The following PTPRG variants were observed in gnomAD, a reference collection of about 807,000 sequenced individuals.
PTPRG encodes the protein protein tyrosine phosphatase receptor type G.
In PTPRG, 102 loss-of-function variants were observed where a neutral mutation model predicts 165.3. That is an observed-to-expected ratio of 0.62 (90% CI 0.53 to 0.73). The LOEUF (loss-of-function observed/expected upper bound fraction) is 0.73, where lower values mean the gene tolerates loss of function less well. Ranked by LOEUF, PTPRG falls within the 30% of genes least tolerant of loss-of-function variation. The probability of loss-of-function intolerance (pLI) is 0.00; values close to 1 mark genes in which losing one functional copy is unlikely to be tolerated. For synonymous variants in PTPRG, 675 were observed against 669.5 expected, an observed-to-expected ratio of 1.01 and a Z score of -0.13; for missense variants, 1,866 against 1,861.4, an observed-to-expected ratio of 1.00 and a Z score of -0.05.
intron 2 of PTPRG, among the ~76,000 whole-genome samples, chr3:61,752,348 T>A (rs2033465797): frequency 6.6e-6 from 1 of 152,210 alleles, no homozygotes; most frequent in Non-Finnish European, 1.5e-5. Flanking sequence ...TATCTATGGC[T>A]GCTTTTGTGC....
chr3:61,835,366 C>T (rs957008447), intron 2 of PTPRG, among the ~76,000 whole-genome samples: 1 of 152,102 alleles, frequency 6.6e-6, no homozygotes. Context: ...ATTCCTACTC[C>T]CCCCTTCCCC....
intron 2 of PTPRG, among the ~76,000 whole-genome samples, chr3:61,842,603 A>G (rs1344547103): frequency 6.6e-6 from 1 of 152,008 alleles, no homozygotes; most frequent in East Asian, 1.9e-4. Context: ...TTCTACTGCT[A>G]CAACACAACT....
At chr3:62,159,848 G>A (rs1402377579) in intron 7 of PTPRG, among the ~76,000 whole-genome samples, 1 of 152,122 alleles carries the variant, frequency 6.6e-6, no homozygotes, top group African/African-American at 2.4e-5. Context: ...TATTCATGTG[G>A]CCAAACTGGA....
chr3:61,590,781 G>A (rs1700550559), intron 1 of PTPRG, among the ~76,000 whole-genome samples: 1 of 151,938 alleles, frequency 6.6e-6, no homozygotes, highest in African/African-American at 2.4e-5. Flanking sequence ...AATACATTTA[G>A]CATAGTCTTT....
At chr3:62,162,336 A>G (rs773413311) in intron 7 of PTPRG, among the ~76,000 whole-genome samples, 13 of 151,408 alleles carry the variant, frequency 8.6e-5, no homozygotes, top group Non-Finnish European at 1.9e-4. Context: ...CAAATCCCCA[A>G]GCAGGGATAA....
intron 1 of PTPRG, among the ~76,000 whole-genome samples, chr3:61,623,603 G>GAC (rs1701524481): frequency 6.6e-6 from 1 of 152,158 alleles, no homozygotes; most frequent in South Asian, 2.1e-4. Flanking sequence ...CTTTGCAACA[G>GAC]ACTAGAGAAT....
At chr3:62,045,152 G>T (rs1356836437) in intron 4 of PTPRG, among the ~76,000 whole-genome samples, 1 of 152,146 alleles carries the variant, frequency 6.6e-6, no homozygotes, top group Non-Finnish European at 1.5e-5. Flanking sequence ...GATGTCCATT[G>T]TTGCTTTTCA....
chr3:61,830,600 G>T (rs1241785070), intron 2 of PTPRG, among the ~76,000 whole-genome samples: 2 of 132,398 alleles, frequency 1.5e-5, no homozygotes, highest in Non-Finnish European at 3.1e-5. Flanking sequence ...TGGAGATGGA[G>T]TTTCGCTCTT....
At chr3:62,011,951 T>C (rs1210071171) in intron 4 of PTPRG, among the ~76,000 whole-genome samples, 1 of 152,174 alleles carries the variant, frequency 6.6e-6, no homozygotes, top group African/African-American at 2.4e-5. Context: ...GATGGCACAC[T>C]CTGAAAAGAA....
intron 2 of PTPRG, among the ~76,000 whole-genome samples, chr3:61,825,228 T>C (rs1363498749): frequency 6.6e-6 from 1 of 152,246 alleles, no homozygotes. Context: ...TCAACACTTT[T>C]AGGGATTACT....
intron 1 of PTPRG, among the ~76,000 whole-genome samples, chr3:61,709,408 A>G (rs1414390143): frequency 2.6e-5 from 4 of 151,964 alleles, no homozygotes; most frequent in African/African-American, 9.7e-5. Context: ...TCCACCTCCT[A>G]GATTCAAGTG....
chr3:61,840,293 T>C (rs566320110), intron 2 of PTPRG, among the ~76,000 whole-genome samples: 1 of 150,686 alleles, frequency 6.6e-6, no homozygotes, highest in African/African-American at 2.5e-5. Flanking sequence ...GTTTTCTGTC[T>C]GAATATCCAG....
chr3:61,613,127 ACT>A (rs1365996484), intron 1 of PTPRG, among the ~76,000 whole-genome samples: 2 of 152,204 alleles, frequency 1.3e-5, no homozygotes, highest in African/African-American at 4.8e-5. Context: ...AGACTAGGAC[ACT>A]CAAAAGCCTA....
intron 4 of PTPRG, among the ~76,000 whole-genome samples, chr3:62,076,117 GTA>G (rs992598839): frequency 6.6e-6 from 1 of 151,692 alleles, no homozygotes; most frequent in Admixed American, 6.6e-5. Context: ...CTCTAAAAAT[GTA>G]TATATATATG....
At chr3:61,688,725 G>GCTGC (rs1344932851) in intron 1 of PTPRG, among the ~76,000 whole-genome samples, 1 of 152,214 alleles carries the variant, frequency 6.6e-6, no homozygotes, top group African/African-American at 2.4e-5. Context: ...CTTGTCAGCT[G>GCTGC]CTGCTTTAAA....
At chr3:61,748,225 C>G (rs1282429039) in intron 1 of PTPRG, among the ~76,000 whole-genome samples, 1 of 152,200 alleles carries the variant, frequency 6.6e-6, no homozygotes, top group African/African-American at 2.4e-5. Context: ...TGGTACTAAT[C>G]ACAAGGAGTC....
At chr3:62,257,749 G>T (rs1168222228) in intron 16 of PTPRG, among the ~76,000 whole-genome samples, 1 of 152,162 alleles carries the variant, frequency 6.6e-6, no homozygotes. Flanking sequence ...GAGATCAGGA[G>T]TTCCCAACCA....
chr3:61,916,506 C>A (rs540231644), intron 2 of PTPRG, among the ~76,000 whole-genome samples: 1 of 152,166 alleles, frequency 6.6e-6, no homozygotes, highest in Non-Finnish European at 1.5e-5. Context: ...GAAAAAAAAT[C>A]TCACTGTCAA....
At chr3:61,593,400 G>GAAAA (rs4019828) in intron 1 of PTPRG, among the ~76,000 whole-genome samples, 2 of 139,186 alleles carry the variant, frequency 1.4e-5, no homozygotes, top group African/African-American at 2.9e-5. Flanking sequence ...TAATGAATTG[G>GAAAA]AAAAAAAAAA....
Sources: allele counts gnomAD v4.1 joint callset (sites outside exome capture counted in the v4.1 genomes callset), GRCh38; gene constraint gnomAD v4.1.1; transcripts MANE v1.5; gene names NCBI Gene and HGNC (gene_info 2026-07-23, HGNC 2026-07-21).